COL20A1: variants seen among roughly 807,000 people sequenced by gnomAD.
COL20A1 encodes collagen alpha-1(XX) chain.
In COL20A1, 164 loss-of-function variants were observed where a neutral mutation model predicts 152.9. The ratio of observed to expected loss-of-function variants is 1.07; its 90% CI spans 0.94 to 1.22. COL20A1 has a LOEUF of 1.22. COL20A1 is among the 50% of genes most tolerant of loss of function. The probability of loss-of-function intolerance (pLI) is 0.00; values close to 1 mark genes in which losing one functional copy is unlikely to be tolerated. For synonymous variants in COL20A1, 864 were observed against 756.0 expected (o/e 1.14, Z -2.34); for missense variants, 1,873 against 1,744.8 (o/e 1.07, Z -1.31).
At chr20:63,316,392 C>T (rs2068084402) in intron 20 of COL20A1, among the ~76,000 whole-genome samples, 161 bp from the exon 21 acceptor site, 1 of 151,668 alleles carries the variant, frequency 6.6e-6, no homozygotes, top group Non-Finnish European at 1.5e-5. Flanking sequence ...GCCCACCCCC[C>T]AGCCCCTGTG....
intron 34 of COL20A1, chr20:63,329,076 A>G: frequency 5.9e-6 from 1 of 168,320 alleles, no homozygotes; most frequent in South Asian, 1.5e-4. Flanking sequence ...ACGAGGACTG[A>G]GTTCTGCACT....
In COL20A1 at chr20:63,305,324, GGGA is replaced by G. The variant is rs2067909399; in HGVS notation, c.194-85_194-83del. ...GGCTTCAAGGGGAGCAGCTGGGGTG[GGGA>G]GGAGGAGCCAAGAGGGTTTCACTCC... On this transcript the variant is annotated intron_variant, in intron 3 of 35. Coordinates refer to ENST00000358894, the MANE Select transcript of COL20A1 (RefSeq NM_020882.4). The surrounding 1 kb of genome is among the most constrained non-coding windows in gnomAD (Gnocchi z 4.9). 2 of 1,064,804 alleles carry G rather than the reference GGGA, an allele frequency of 1.9e-6. No homozygotes were observed. Among genetic ancestry groups the G allele is most frequent in the Non-Finnish European group, 2.5e-6 (2 of 796,592 alleles). The allele number at this position is 1,064,804 out of a possible 1,614,324, so 66.0% of individuals were successfully genotyped here. A position where few individuals can be genotyped will look rare whatever the true frequency, so the allele number is the denominator to read the frequency against.
chr20:63,311,293 G>T lies in COL20A1; in HGVS notation c.1394-101G>T, dbSNP rs1169945628. 3 of 1,281,490 alleles carry T rather than the reference G, an allele frequency of 2.3e-6. No homozygotes were observed. Among genetic ancestry groups the T allele is most frequent in the Non-Finnish European group, 3.2e-6 (3 of 951,404 alleles). 79.4% of individuals were successfully genotyped at this position (1,281,490 alleles called of 1,614,324 possible). A position where few individuals can be genotyped will look rare whatever the true frequency, so the allele number is the denominator to read the frequency against. On this transcript the variant is annotated intron_variant, in intron 11 of 35. Transcript: ENST00000358894. This position sits in a 1 kb window ranked among gnomAD's most constrained non-coding sequence, Gnocchi z 4.4. Reference sequence around the variant, plus strand: ...CACTTTGAATCCTGTGCACCTGCCAGGCGGTGGCCGTGCCCACCCACTCTG... The same window carrying T: ...CACTTTGAATCCTGTGCACCTGCCATGCGGTGGCCGTGCCCACCCACTCTG...
chr20:63,307,055 C>T (rs768229804), intron 5 of COL20A1, among the ~76,000 whole-genome samples: 10 of 152,236 alleles, frequency 6.6e-5, no homozygotes, highest in Non-Finnish European at 1.2e-4. Context: ...CTCTGGGGCC[C>T]GCCTCACCAG....
chr20:63,309,415 C>G lies in COL20A1; in HGVS notation c.1023C>G (p.Phe341Leu). The part of the protein sequence containing the change: ...RDITVHSVLD[F>L]LQLGALAGLL... ...TCACCGTCCACAGCGTGCTGGACTT[C>G]CTGCAGCTCGGCGCGCTGGCTGGCC... Residue 341 changes from phenylalanine to leucine, a missense_variant, in exon 9 of 36, where the codon TTC becomes TTG. By Grantham distance (22) the Phe-to-Leu change is conservative. Transcript: ENST00000358894. 1 of 1,555,274 alleles carries G rather than the reference C, an allele frequency of 6.4e-7. No individual in the cohort carries two copies. The highest frequency in any genetic ancestry group is 1.9e-5 in the Admixed American group (1 of 52,234).
Position 63,319,077 on chromosome 20 carries a change from C to G in COL20A1, c.2683C>G (p.Leu895Val). ...CCACAGTGACGTCTACCCAGCCCCCCTACCTCCAGAGCACACCATCGTCTT... is the reference window on the plus strand; with the variant it reads ...CCACAGTGACGTCTACCCAGCCCCCGTACCTCCAGAGCACACCATCGTCTT... ...RRVSDVYPAP[L>V]PPEHTIVFLV... is the part of the protein sequence containing the mutation. The change falls in exon 22 of 36, where the codon CTA becomes GTA. Residue 895 changes from leucine (L) to valine (V), a missense_variant. Leu to Val is a conservative substitution (Grantham distance 32, BLOSUM62 1). Coordinates refer to ENST00000358894, the MANE Select transcript of COL20A1 (RefSeq NM_020882.4). The surrounding 1 kb of genome is among the most constrained non-coding windows in gnomAD (Gnocchi z 4.4). The G allele has an allele frequency of 6.2e-7, 1 of 1,612,662 alleles. No homozygotes were observed. Among genetic ancestry groups the G allele is most frequent in the Non-Finnish European group, 8.5e-7 (1 of 1,179,048 alleles).
At position 63,310,368 on chromosome 20, in the gene COL20A1, C is replaced by T. The variant is rs1351807447; in HGVS notation, c.1264-13C>T. The T allele has an allele frequency of 1.9e-6, 3 of 1,610,706 alleles. No homozygotes were observed. The highest frequency in any genetic ancestry group is 2.5e-6 in the Non-Finnish European group (3 of 1,179,162). On this transcript the variant is annotated splice_polypyrimidine_tract_variant and intron_variant, in intron 10 of 35. Coordinates refer to ENST00000358894, the MANE Select transcript of COL20A1 (RefSeq NM_020882.4). ...CCCCCTTCCTGGCTCCGTCCTTGCC[C>T]ACTCTGTTCCAGGTGGTGGTGGAGG...
chr20:63,302,419 C>G (rs1378068547), intron 3 of COL20A1, among the ~76,000 whole-genome samples: 1 of 152,184 alleles, frequency 6.6e-6, no homozygotes, highest in Non-Finnish European at 1.5e-5. Context: ...CTTCCAGGTT[C>G]AAGCAGTTCT....
chr20:63,319,566 G>A lies in COL20A1; in HGVS notation c.2886G>A (p.Val962=). 6.3e-7 allele frequency: 1 copy of A among 1,593,454 alleles called. No homozygotes were observed. The highest frequency in any genetic ancestry group is 1.1e-5 in the South Asian group (1 of 87,384). The change falls in exon 23 of 36, where the codon GTG becomes GTA. Residue 962 remains valine (V), a synonymous_variant. Coordinates refer to ENST00000358894, the MANE Select transcript of COL20A1 (RefSeq NM_020882.4). This position sits in a 1 kb window ranked among gnomAD's most constrained non-coding sequence, Gnocchi z 4.4. ...AGGCCACCTTCGACCCGCAGGAAGT[G>A]AGGAAGATTTTCTTCGGGAGCTTCC... ...LQEATFDPQE[V]RKIFFGSFHK... is the part of the protein sequence containing the mutation.
Position 63,334,708 on chromosome 20 carries a change from GTCACC to G in COL20A1, c.*3998_*4002del, listed in dbSNP as rs1568795867. The stretch of plus-strand genomic sequence containing the variant: ...CAAAGTGGTGGGATTACAGGTGTGA[GTCACC>G]TCACCGGCCCTTAAACACAGTTTTT... On this transcript the variant is annotated 3_prime_UTR_variant, in exon 36 of 36. Coordinates refer to ENST00000358894, the MANE Select transcript of COL20A1 (RefSeq NM_020882.4). 6.6e-6 allele frequency: 1 copy of G among 152,252 alleles called. No individual in the cohort carries two copies. Among genetic ancestry groups the G allele is most frequent in the South Asian group, 2.1e-4 (1 of 4,832 alleles). The allele number at this position is 152,252 out of a possible 1,614,324, so 9.4% of individuals were successfully genotyped here. A position where few individuals can be genotyped will look rare whatever the true frequency, so the allele number is the denominator to read the frequency against.
rs777158363 is a variant in COL20A1 at position 63,310,491 on chromosome 20, G to A, written c.1374G>A (p.Leu458=). 1.2e-6 allele frequency: 2 copies of A among 1,602,008 alleles called. No individual in the cohort carries two copies. The highest frequency in any genetic ancestry group is 2.3e-5 in the South Asian group (2 of 88,870). ...PIYEGGVGEG[L]RGLVTTAPLP... ...ATGAGGGCGGGGTTGGCGAAGGCCTGCGGGGCCTGGTGACCACAGGTAGGT... is the reference window on the plus strand; with the variant it reads ...ATGAGGGCGGGGTTGGCGAAGGCCTACGGGGCCTGGTGACCACAGGTAGGT... The change falls in exon 11 of 36, where the codon CTG becomes CTA. Residue 458 remains leucine, a synonymous_variant. Coordinates refer to ENST00000358894, the MANE Select transcript of COL20A1 (RefSeq NM_020882.4).
chr20:63,294,766 G>A (rs6010895), intron 1 of COL20A1, among the ~76,000 whole-genome samples: 15 of 152,316 alleles, frequency 9.8e-5, no homozygotes, highest in African/African-American at 3.1e-4. Context: ...CCCCGTGCCC[G>A]TCCCAGCCAC....
chr20:63,302,102 T>C (rs745624193), intron 3 of COL20A1, among the ~76,000 whole-genome samples: 6 of 152,166 alleles, frequency 3.9e-5, no homozygotes, highest in East Asian at 3.9e-4. Context: ...GCGGCCAATA[T>C]TGTTTTATGT....
At position 63,311,563 on chromosome 20, in the gene COL20A1, G is replaced by A. The variant is rs1214819893; in HGVS notation, c.1539+24G>A. The A allele has an allele frequency of 1.9e-6, 3 of 1,607,628 alleles. No homozygotes were observed. Among genetic ancestry groups the A allele is most frequent in the South Asian group, 1.1e-5 (1 of 90,320 alleles). On this transcript the variant is annotated intron_variant, in intron 12 of 35. Coordinates refer to ENST00000358894, the MANE Select transcript of COL20A1 (RefSeq NM_020882.4). The surrounding 1 kb of genome is among the most constrained non-coding windows in gnomAD (Gnocchi z 4.4). ...AGGTGAGCTGGGCCGGGGGGTGGCG[G>A]GGGAGGCAGAGGAGTGGGGCAGAGC...
Position 63,328,297 on chromosome 20 carries a change from C to G in COL20A1, c.3614-34C>G. The G allele has an allele frequency of 1.9e-6, 3 of 1,593,534 alleles. No individual in the cohort carries two copies. The South Asian group carries it at 3.4e-5, about 18-fold the overall frequency. ...CACAGGCCTCGCATCCCCGGGTCCC[C>G]ACTGTGTCCTGCTGACACCCCTCCT... On this transcript the variant is annotated intron_variant, in intron 33 of 35. Coordinates refer to ENST00000358894, the MANE Select transcript of COL20A1 (RefSeq NM_020882.4).
At chr20:63,327,899 G>A (rs969828595) in intron 31 of COL20A1, 53 bp from the exon 32 acceptor site, 28 of 1,543,886 alleles carry the variant, frequency 1.8e-5, no homozygotes, top group African/African-American at 4.1e-5. Context: ...CACTTGTCAC[G>A]TGTGGTCTCA....
chr20:63,299,853 GTATACATATATACGTTGTGTGTA>G (rs951840340), intron 3 of COL20A1, among the ~76,000 whole-genome samples: 1 of 150,954 alleles, frequency 6.6e-6, no homozygotes, highest in Non-Finnish European at 1.5e-5. Context: ...ACGTGTGTGT[GTATACATATATACGTTGTGTGTA>G]TATATATATG....
At chr20:63,309,670 G>C in intron 9 of COL20A1, 88 bp from the exon 10 acceptor site, 4 of 1,335,650 alleles carry the variant, frequency 3.0e-6, no homozygotes, top group Non-Finnish European at 4.0e-6. Flanking sequence ...CAGCTTTCCT[G>C]TCCCTCCTGT....
chr20:63,319,117 T>A lies in COL20A1; in HGVS notation c.2723T>A (p.Leu908His). 6.2e-7 allele frequency: 1 copy of A among 1,611,660 alleles called. No homozygotes were observed. Among genetic ancestry groups the A allele is most frequent in the South Asian group, 1.1e-5 (1 of 91,032 alleles). ...ACCATCGTCTTCCTTGTGCGCCTAC[T>A]TCCCGAGACACCCCGTGAGGCCTTC... ...EHTIVFLVRL[L>H]PETPREAFAL... is the part of the protein sequence containing the mutation. The change falls in exon 22 of 36, where the codon CTT (leucine) becomes CAT (histidine). Residue 908 changes from leucine (L) to histidine (H), a missense_variant. Leu to His is a moderately conservative substitution (Grantham distance 99, BLOSUM62 -3). Coordinates refer to ENST00000358894, the MANE Select transcript of COL20A1 (RefSeq NM_020882.4). This position sits in a 1 kb window ranked among gnomAD's most constrained non-coding sequence, Gnocchi z 4.4.
Sources: gnomAD v4.1 joint callset for allele counts (sites outside exome capture counted in the v4.1 genomes callset) on GRCh38, gnomAD v4.1.1 for gene constraint, Gnocchi (gnomAD v3.1) non-coding constraint, MANE v1.5 for transcripts, NCBI Gene and HGNC (gene_info 2026-07-23, HGNC 2026-07-21) for gene names.